Variants in USH2A observed in about 807,000 individuals in gnomAD.
The protein encoded by USH2A is Usher syndrome 2A (autosomal recessive, mild).
USH2A carries 443 observed loss-of-function variants against 538.9 expected under a neutral mutation model. That is an observed-to-expected ratio of 0.82 (90% confidence interval 0.76 to 0.89). The LOEUF (loss-of-function observed/expected upper bound fraction) is 0.89. USH2A is among the 40% of genes least tolerant of loss of function. USH2A has a pLI of 0.00. For missense variants in USH2A, 6,633 were observed against 6,324.8 expected (o/e 1.05, Z -1.65); for synonymous variants, 2,413 against 2,273.5 (o/e 1.06, Z -1.75).
chr1:215,661,914 C>T (rs1657447288), intron 64 of USH2A, among the ~76,000 whole-genome samples: 1 of 152,108 alleles, frequency 6.6e-6, no homozygotes, highest in Admixed American at 6.5e-5. Context: ...TGCCATCACT[C>T]AGATCCTGCA....
chr1:216,348,920 G>C (rs1021704449), intron 4 of USH2A, among the ~76,000 whole-genome samples: 3 of 151,942 alleles, frequency 2.0e-5, no homozygotes, highest in Non-Finnish European at 4.4e-5. Context: ...TCTAATTCTG[G>C]GCACATACTG....
intron 11 of USH2A, among the ~76,000 whole-genome samples, chr1:216,266,039 A>G (rs1047028465): frequency 1.3e-5 from 2 of 152,152 alleles, no homozygotes; most frequent in African/African-American, 4.8e-5. Flanking sequence ...TCAAATAGCT[A>G]GAAGAAAGGA....
At chr1:216,386,205 T>C (rs1191228511) in intron 3 of USH2A, among the ~76,000 whole-genome samples, 1 of 152,046 alleles carries the variant, frequency 6.6e-6, no homozygotes, top group East Asian at 1.9e-4. Context: ...TTAAAAAGAA[T>C]AGTCATTTCA....
intron 38 of USH2A, among the ~76,000 whole-genome samples, chr1:215,932,671 G>A (rs1023768093): frequency 6.6e-6 from 1 of 151,954 alleles, no homozygotes; most frequent in African/African-American, 2.4e-5. Context: ...TTCCTCTTTG[G>A]TGAAGGACTG....
At chr1:216,389,351 T>C (rs568648449) in intron 3 of USH2A, among the ~76,000 whole-genome samples, 3 of 152,284 alleles carry the variant, frequency 2.0e-5, no homozygotes, top group Admixed American at 2.0e-4. Context: ...GACAGATCAC[T>C]TTTTAAAGGA....
At chr1:216,367,163 T>C (rs1571746487) in intron 3 of USH2A, among the ~76,000 whole-genome samples, 1 of 152,320 alleles carries the variant, frequency 6.6e-6, no homozygotes, top group East Asian at 1.9e-4. Flanking sequence ...TCTAGTCAGC[T>C]ACACTAAAGA....
intron 21 of USH2A, among the ~76,000 whole-genome samples, chr1:216,132,704 T>A (rs2102603627): frequency 6.6e-6 from 1 of 152,204 alleles, no homozygotes; most frequent in South Asian, 2.1e-4. Context: ...CTGGTGTCAG[T>A]GGCCTTGCTG....
rs758063197 is a variant in USH2A, at chr1:216,247,188, G to T, written c.2206C>A (p.Leu736Ile). Residue 736 changes from leucine (L) to isoleucine (I), a missense_variant, in exon 13 of 72, where the codon CTC (leucine) becomes ATC (isoleucine). Transcript: ENST00000307340. Reference sequence around the variant, plus strand: ...CATCCAACATCATTAAAGCTTCGGAGAAATTTAAATCCAAAATTGCAATGA... The same window carrying T: ...CATCCAACATCATTAAAGCTTCGGATAAATTTAAATCCAAAATTGCAATGA... ...CDHCNFGFKF[L>I]RSFNDVGCEP... 2 of 1,613,786 alleles carry T rather than the reference G, an allele frequency of 1.2e-6. No individual in the cohort carries two copies. The highest frequency in any genetic ancestry group is 1.3e-5 in the African/African-American group (1 of 74,888).
chr1:216,267,878 C>T (rs757878095), intron 11 of USH2A, among the ~76,000 whole-genome samples: 1 of 152,082 alleles, frequency 6.6e-6, no homozygotes, highest in Non-Finnish European at 1.5e-5. Flanking sequence ...GTAGTAGATG[C>T]TCAGCAAAAG....
chr1:216,219,054 TTGAG>T (rs2035402677), intron 14 of USH2A, among the ~76,000 whole-genome samples: 1 of 152,010 alleles, frequency 6.6e-6, no homozygotes, highest in South Asian at 2.1e-4. Context: ...TAAGTGTCTC[TTGAG>T]TATTTCAGTT....
At chr1:215,963,299 G>A (rs1268967684) in intron 37 of USH2A, among the ~76,000 whole-genome samples, 1 of 152,058 alleles carries the variant, frequency 6.6e-6, no homozygotes, top group African/African-American at 2.4e-5. Context: ...GACAGGACAA[G>A]ACAATATTCA....
chr1:216,206,753 T>C (rs2035121070), intron 16 of USH2A, among the ~76,000 whole-genome samples: 1 of 152,250 alleles, frequency 6.6e-6, no homozygotes, highest in African/African-American at 2.4e-5. Context: ...TGCCATATAC[T>C]ATAATTTCCT....
chr1:216,383,281 C>T (rs765154633), intron 3 of USH2A, among the ~76,000 whole-genome samples: 32 of 152,100 alleles, frequency 2.1e-4, no homozygotes, highest in African/African-American at 6.5e-4. Context: ...GGCTCAACTA[C>T]GCAAAGATTC....
At chr1:215,852,173 G>A (rs191559600) in intron 44 of USH2A, among the ~76,000 whole-genome samples, 1 of 152,280 alleles carries the variant, frequency 6.6e-6, no homozygotes, top group East Asian at 1.9e-4. Context: ...AAAGAAAGAG[G>A]TTTAATGGAC....
At chr1:215,950,520 T>TA in intron 37 of USH2A, among the ~76,000 whole-genome samples, 1 of 151,398 alleles carries the variant, frequency 6.6e-6, no homozygotes, top group Non-Finnish European at 1.5e-5. Context: ...TTTTTTTTTT[T>TA]TTCTGAGACA....
chr1:215,799,210 G>T (rs1231070701), intron 49 of USH2A, 85 bp from the exon 50 acceptor site: 1 of 1,391,918 alleles, frequency 7.2e-7, no homozygotes, highest in Non-Finnish European at 1.0e-6. Flanking sequence ...CAATCATCTT[G>T]CAGATCCCAA....
At chr1:216,002,811 G>T (rs1272192766) in intron 32 of USH2A, among the ~76,000 whole-genome samples, 2 of 152,112 alleles carry the variant, frequency 1.3e-5, no homozygotes, top group Non-Finnish European at 2.9e-5. Flanking sequence ...GCTTGCTTGC[G>T]TATGTTTCCA....
intron 42 of USH2A, among the ~76,000 whole-genome samples, chr1:215,878,361 C>A (rs1664827211): frequency 6.6e-6 from 1 of 152,156 alleles, no homozygotes; most frequent in Non-Finnish European, 1.5e-5. Context: ...TGACCACACT[C>A]CTCACAAGTT....
chr1:215,923,838 G>T (rs1213816773), intron 38 of USH2A, among the ~76,000 whole-genome samples: 1 of 151,878 alleles, frequency 6.6e-6, no homozygotes, highest in Non-Finnish European at 1.5e-5. Flanking sequence ...GACCAGCTGT[G>T]ACTCCTCTGT....
Sources: gnomAD v4.1 joint callset for allele counts (sites outside exome capture counted in the v4.1 genomes callset) on GRCh38, gnomAD v4.1.1 for gene constraint, MANE v1.5 for transcripts, NCBI Gene and HGNC (gene_info 2026-07-23, HGNC 2026-07-21) for gene names.